The following RELN variants were observed in gnomAD, a reference collection of about 807,000 sequenced individuals.
The protein encoded by RELN is reelin.
A neutral mutation model predicts 427.6 loss-of-function variants in RELN; 108 were observed. That is an observed-to-expected ratio of 0.25 (90% CI 0.22 to 0.30). The LOEUF (loss-of-function observed/expected upper bound fraction) is 0.30. Among genes scored for constraint, RELN ranks in the 10% least tolerant of loss-of-function variants. The pLI, the probability that RELN is intolerant of heterozygous loss-of-function variation, is 1.00. For missense variants in RELN, 3,715 were observed against 4,302.8 expected, an observed-to-expected ratio of 0.86 and a Z score of 3.82; for synonymous variants, 1,524 against 1,513.4, an observed-to-expected ratio of 1.01 and a Z score of -0.16.
chr7:103,715,549 C>T (rs564759806), intron 8 of RELN, among the ~76,000 whole-genome samples: 126 of 152,158 alleles, frequency 8.3e-4, no homozygotes, highest in Non-Finnish European at 1.6e-3. Flanking sequence ...TTTCCCAAAC[C>T]TCATTAGGGG....
rs1829384882 is a variant in RELN, at chr7:103,510,876, G to A, written c.8249C>T (p.Thr2750Ile). ...CTTGAATTGCATAATCCAGCCTTCA[G>A]TGGGAGTCAGGTCATGGGTCACTGC... ...VYAVTHDLTP[T>I]EGWIMQFKIS... Residue 2750 changes from threonine to isoleucine, a missense_variant, in exon 51 of 65, where the codon ACT becomes ATT. Physicochemically the swap from Thr to Ile is moderately conservative, Grantham distance 89 (BLOSUM62 -1). This residue lies in a region of RELN where 1,310 missense variants were observed against 1,643.0 expected (regional missense o/e 0.80). Coordinates refer to ENST00000428762, the MANE Select transcript of RELN (RefSeq NM_005045.4). The A allele has an allele frequency of 6.2e-7, 1 of 1,613,552 alleles. No homozygotes were observed.
intron 6 of RELN, among the ~76,000 whole-genome samples, chr7:103,730,705 T>C (rs1790332378): frequency 6.6e-6 from 1 of 152,130 alleles, no homozygotes; most frequent in Admixed American, 6.6e-5. Flanking sequence ...CCAGAAACAA[T>C]GGCTTCACCA....
chr7:103,548,113 A>AATCAG (rs2117146711), intron 41 of RELN, among the ~76,000 whole-genome samples: 1 of 152,358 alleles, frequency 6.6e-6, no homozygotes, highest in Non-Finnish European at 1.5e-5. Flanking sequence ...CAGCAAAAAC[A>AATCAG]ATCAGGAACT....
rs375243773 is a variant in RELN, at chr7:103,624,433, A to G, written c.2702+5507T>C. ...CCCTTTTTTCCTCATGTCCCACTCTACTTTTTTTTTAAGTCGGAGTTTTAC... is the reference window on the plus strand; with the variant it reads ...CCCTTTTTTCCTCATGTCCCACTCTGCTTTTTTTTTAAGTCGGAGTTTTAC... On this transcript the variant is annotated intron_variant, in intron 20 of 64. Coordinates refer to ENST00000428762, the MANE Select transcript of RELN (RefSeq NM_005045.4). 1.7e-4 allele frequency among the ~76,000 whole-genome samples: 25 copies of G among 150,746 alleles called. 1 individual carries two copies. In the East Asian group the frequency reaches 4.5e-3, roughly 27 times the overall value.
rs1315910625 is a variant in RELN at position 103,650,379 on chromosome 7, T to C, written c.1897A>G (p.Asn633Asp). The C allele has an allele frequency of 6.3e-7, 1 of 1,599,340 alleles. No individual in the cohort carries two copies. The highest frequency in any genetic ancestry group is 8.6e-7 in the Non-Finnish European group (1 of 1,166,866). The change falls in exon 16 of 65, where the codon AAC (asparagine) becomes GAC (aspartate). Residue 633 changes from asparagine (N) to aspartate (D), a missense_variant. Physicochemically the swap from Asn to Asp is conservative, Grantham distance 23. Transcript: ENST00000428762. ...TTAGGAAGGGGAATTGTTATTCGGT[T>C]CCACCTGCAAGAAATTTAGCACAAA... is the stretch of plus-strand genomic sequence containing the variant. ...VYSSENYSGW[N>D]RITIPLPNAA...
rs115845785 is a variant in RELN at position 103,928,361 on chromosome 7, C to G, written c.227-11176G>C. Among the ~76,000 whole-genome samples, 360 of 152,302 alleles carry G rather than the reference C, an allele frequency of 2.4e-3. 2 individuals carry two copies. The highest frequency in any genetic ancestry group is 8.2e-3 in the African/African-American group (341 of 41,574). ...ATTTTACTTTTATAACCAAAACTTT[C>G]AATCACCTGAGAAGCTTTTTAAAAT... is the stretch of plus-strand genomic sequence containing the variant. On this transcript the variant is annotated intron_variant, in intron 1 of 64. Coordinates refer to ENST00000428762, the MANE Select transcript of RELN (RefSeq NM_005045.4).
At chr7:103,543,322 T>G (rs1830215535) in intron 42 of RELN, among the ~76,000 whole-genome samples, 1 of 152,064 alleles carries the variant, frequency 6.6e-6, no homozygotes, top group Non-Finnish European at 1.5e-5. Flanking sequence ...GTGGGAGAAA[T>G]TTCAATACCA....
chr7:103,638,433 T>C (rs1213910661), intron 17 of RELN, among the ~76,000 whole-genome samples: 2 of 152,098 alleles, frequency 1.3e-5, no homozygotes, highest in Admixed American at 6.5e-5. Context: ...AGAATCTTGA[T>C]AGCAAATAGC....
chr7:103,978,657 C>T (rs1248401192), intron 1 of RELN, among the ~76,000 whole-genome samples: 1 of 152,188 alleles, frequency 6.6e-6, no homozygotes, highest in African/African-American at 2.4e-5. Flanking sequence ...ATCTCTAGAG[C>T]ATTTGCATTT....
intron 42 of RELN, among the ~76,000 whole-genome samples, chr7:103,543,732 C>A (rs4729922): frequency 0.57 from 87,026 of 151,818 alleles, 25,937 homozygotes; most frequent in Middle Eastern, 0.73. Context: ...ACTCCGATTT[C>A]GTTTATTTAT....
rs1325010268 is a variant in RELN at position 103,651,363 on chromosome 7, T to G, written c.1892+298A>C. On this transcript the variant is annotated intron_variant, in intron 15 of 64. Coordinates refer to ENST00000428762, the MANE Select transcript of RELN (RefSeq NM_005045.4). ...TTTCTTCCATTTTTTCTATGCTGCA[T>G]TTCTCTATAAGTAGCGTGGCAATAA... 3.9e-5 allele frequency among the ~76,000 whole-genome samples: 6 copies of G among 152,192 alleles called. No individual in the cohort carries two copies. In the East Asian group the frequency reaches 9.7e-4, roughly 25 times the overall value.
At chr7:103,703,835 A>T (rs1200645602) in intron 8 of RELN, among the ~76,000 whole-genome samples, 2 of 152,210 alleles carry the variant, frequency 1.3e-5, no homozygotes, top group South Asian at 4.1e-4. Flanking sequence ...AGAGGCACTG[A>T]TGAACTTAAA....
intron 16 of RELN, among the ~76,000 whole-genome samples, chr7:103,642,804 T>TG (rs952258438): frequency 3.9e-5 from 6 of 152,244 alleles, no homozygotes; most frequent in African/African-American, 1.2e-4. Context: ...TTAAAAAGTG[T>TG]GACAGCAAGA....
At chr7:103,698,170 T>C in intron 9 of RELN, 77 bp from the exon 10 acceptor site, 1 of 1,561,036 alleles carries the variant, frequency 6.4e-7, no homozygotes, top group East Asian at 2.2e-5. Context: ...TTTCTTAAGG[T>C]TGTAGTTTCA....
chr7:103,558,164 G>C (rs1830566188), intron 36 of RELN, 115 bp from the exon 37 acceptor site: 2 of 657,050 alleles, frequency 3.0e-6, no homozygotes, highest in South Asian at 3.3e-5. Context: ...TCATGATCAA[G>C]AAGCAAATTT....
intron 50 of RELN, among the ~76,000 whole-genome samples, chr7:103,511,535 T>C (rs1363853321): frequency 1.3e-5 from 2 of 152,196 alleles, no homozygotes; most frequent in Non-Finnish European, 2.9e-5. Flanking sequence ...ATGAATTTTT[T>C]ATAGCTTTAT....
intron 2 of RELN, among the ~76,000 whole-genome samples, chr7:103,879,429 T>C (rs559678010): frequency 3.3e-5 from 5 of 152,206 alleles, no homozygotes; most frequent in African/African-American, 1.2e-4. Flanking sequence ...GATGTTTGAA[T>C]GAAGTGCTAT....
At chr7:103,565,089 AC>A (rs1306612258) in intron 34 of RELN, among the ~76,000 whole-genome samples, 188 bp downstream of exon 34, 2 of 152,234 alleles carry the variant, frequency 1.3e-5, no homozygotes, top group Non-Finnish European at 2.9e-5. Context: ...GCCTCATAAA[AC>A]TTTTGGTGCT....
intron 20 of RELN, among the ~76,000 whole-genome samples, chr7:103,621,198 T>C (rs3808027): frequency 0.012 from 1,827 of 152,150 alleles, 41 homozygotes; most frequent in African/African-American, 0.042. Context: ...TTTTTAACAT[T>C]GCCTTTAAAT....
Sources: allele counts gnomAD v4.1 joint callset (sites outside exome capture counted in the v4.1 genomes callset), GRCh38; gene constraint gnomAD v4.1.1; regional missense constraint gnomAD v4.1.1; transcripts MANE v1.5; gene names NCBI Gene and HGNC (gene_info 2026-07-23, HGNC 2026-07-21).